ZNF521: variants seen among roughly 807,000 people sequenced by gnomAD.
ZNF521 encodes zinc finger protein 521.
Under a neutral mutation model 105.5 loss-of-function variants are expected in ZNF521, and 14 were observed. The ratio of observed to expected loss-of-function variants is 0.13; its 90% CI spans 0.09 to 0.21. ZNF521 has a LOEUF of 0.21. Ranked by LOEUF, ZNF521 falls within the 10% of genes least tolerant of loss-of-function variation. The probability of loss-of-function intolerance (pLI) is 1.00; values close to 1 mark genes in which losing one functional copy is unlikely to be tolerated. For missense variants in ZNF521, 1,233 were observed against 1,629.7 expected, an observed-to-expected ratio of 0.76 and a Z score of 4.19; for synonymous variants, 635 against 606.0, an observed-to-expected ratio of 1.05 and a Z score of -0.70.
At chr18:25,063,366 C>G (rs917221863) in intron 7 of ZNF521, among the ~76,000 whole-genome samples, 1 of 152,012 alleles carries the variant, frequency 6.6e-6, no homozygotes, top group Non-Finnish European at 1.5e-5. Flanking sequence ...GTGGTCATAC[C>G]GTGGCTCAGG....
At chr18:25,105,233 C>T (rs1160256826) in intron 5 of ZNF521, among the ~76,000 whole-genome samples, 1 of 152,118 alleles carries the variant, frequency 6.6e-6, no homozygotes, top group East Asian at 1.9e-4. Flanking sequence ...AGAATCTAGG[C>T]ATCTCTCTTT....
intron 3 of ZNF521, among the ~76,000 whole-genome samples, chr18:25,265,736 C>T (rs185831008): frequency 3.3e-5 from 5 of 152,338 alleles, no homozygotes; most frequent in East Asian, 1.9e-4. Context: ...TAAGTGCACT[C>T]ATGCTTGCTG....
At chr18:25,165,533 G>A (rs1332113056) in intron 5 of ZNF521, among the ~76,000 whole-genome samples, 5 of 152,190 alleles carry the variant, frequency 3.3e-5, no homozygotes, top group African/African-American at 1.2e-4. Flanking sequence ...AGAGACCTCA[G>A]AGCACATGCA....
intron 5 of ZNF521, among the ~76,000 whole-genome samples, chr18:25,186,141 G>A (rs573976073): frequency 6.6e-6 from 1 of 152,314 alleles, no homozygotes; most frequent in Admixed American, 6.5e-5. Context: ...CCGAGGCAAT[G>A]TGTTATGGGG....
intron 7 of ZNF521, among the ~76,000 whole-genome samples, chr18:25,068,555 T>C (rs574198734): frequency 1.3e-5 from 2 of 152,178 alleles, no homozygotes; most frequent in East Asian, 3.8e-4. Context: ...GGCTGGATAA[T>C]AAGTCTTTTG....
At chr18:25,090,239 C>T (rs144948808) in intron 6 of ZNF521, among the ~76,000 whole-genome samples, 1 of 152,250 alleles carries the variant, frequency 6.6e-6, no homozygotes, top group Non-Finnish European at 1.5e-5. Context: ...ATGCCAGAGG[C>T]AGTGTTTGGG....
At chr18:25,277,851 A>G (rs1403081435) in intron 3 of ZNF521, among the ~76,000 whole-genome samples, 1 of 152,188 alleles carries the variant, frequency 6.6e-6, no homozygotes, top group Non-Finnish European at 1.5e-5. Context: ...AATAAGGAAG[A>G]AAATTAACAT....
rs75013654 is a variant in ZNF521 at position 25,345,804 on chromosome 18, G to A, written c.40+5103C>T. The stretch of plus-strand genomic sequence containing the variant: ...GTGGTGGAGGGAAGAAACAGTCACT[G>A]GTTGATAGATAAATAGAAGAACATT... On this transcript the variant is annotated intron_variant, in intron 2 of 7. Transcript: ENST00000361524. Among the ~76,000 whole-genome samples, 376 of 152,322 alleles carry A rather than the reference G, an allele frequency of 2.5e-3. 3 individuals are homozygous for A. Among genetic ancestry groups the A allele is most frequent in the East Asian group, 0.021 (107 of 5,192 alleles).
At chr18:25,099,158 A>C (rs2033913701) in intron 5 of ZNF521, among the ~76,000 whole-genome samples, 1 of 152,218 alleles carries the variant, frequency 6.6e-6, no homozygotes, top group South Asian at 2.1e-4. Flanking sequence ...AGAACAGTAC[A>C]TGGCTCATAG....
chr18:25,090,539 T>C (rs937082195), intron 6 of ZNF521, among the ~76,000 whole-genome samples: 2 of 152,226 alleles, frequency 1.3e-5, no homozygotes, highest in African/African-American at 4.8e-5. Flanking sequence ...TTAAAAATTG[T>C]TATTTCTAAA....
At chr18:25,159,708 TA>T (rs2035215786) in intron 5 of ZNF521, among the ~76,000 whole-genome samples, 1 of 152,096 alleles carries the variant, frequency 6.6e-6, no homozygotes, top group Non-Finnish European at 1.5e-5. Flanking sequence ...CTGGACAGAA[TA>T]AGGGGGCCAC....
chr18:25,324,590 G>C (rs1913108514), intron 2 of ZNF521, among the ~76,000 whole-genome samples: 1 of 152,134 alleles, frequency 6.6e-6, no homozygotes, highest in Admixed American at 6.5e-5. Context: ...TGTTTAGCAT[G>C]AGTTTCTAGT....
At chr18:25,344,887 C>T (rs1048870395) in intron 2 of ZNF521, among the ~76,000 whole-genome samples, 7 of 152,172 alleles carry the variant, frequency 4.6e-5, no homozygotes, top group African/African-American at 1.4e-4. Context: ...AGTAAACCAG[C>T]AATGTGAATC....
At chr18:25,146,489 G>C (rs760453881) in intron 5 of ZNF521, among the ~76,000 whole-genome samples, 4 of 152,044 alleles carry the variant, frequency 2.6e-5, no homozygotes, top group Non-Finnish European at 5.9e-5. Flanking sequence ...AGAAAGGATA[G>C]AGAAAAATAC....
At chr18:25,070,281 A>G (rs2033185140) in intron 7 of ZNF521, among the ~76,000 whole-genome samples, 1 of 152,176 alleles carries the variant, frequency 6.6e-6, no homozygotes, top group Non-Finnish European at 1.5e-5. Context: ...AATAAACCTC[A>G]CTGAAGGACA....
chr18:25,264,606 C>T (rs1669060117), intron 3 of ZNF521, among the ~76,000 whole-genome samples: 1 of 152,122 alleles, frequency 6.6e-6, no homozygotes, highest in African/African-American at 2.4e-5. Context: ...TGAAGAATTA[C>T]ATTTTGTCAA....
At chr18:25,158,529 C>A (rs114206691) in intron 5 of ZNF521, among the ~76,000 whole-genome samples, 189 of 152,080 alleles carry the variant, frequency 1.2e-3, no homozygotes, top group African/African-American at 4.2e-3. Context: ...GGGAAGAAAT[C>A]TTCAAAGGAA....
intron 5 of ZNF521, among the ~76,000 whole-genome samples, chr18:25,169,032 A>C (rs2035401506): frequency 6.6e-6 from 1 of 152,078 alleles, no homozygotes; most frequent in Non-Finnish European, 1.5e-5. Context: ...TAGTTTCCAC[A>C]ATTATTCCTC....
In ZNF521 at chr18:25,062,477, G is replaced by T; in HGVS notation, c.*235C>A. On this transcript the variant is annotated 3_prime_UTR_variant, in exon 8 of 8. Transcript: ENST00000361524. ...GGCCCAAGTCCACTTGTCTTTATAA[G>T]ACCATTTTAGTATCAGACGACATAA... The T allele has an allele frequency of 6.3e-6, 3 of 477,850 alleles. No homozygotes were observed. Among genetic ancestry groups the T allele is most frequent in the Non-Finnish European group, 1.1e-5 (3 of 283,144 alleles). The allele number at this position is 477,850 out of a possible 1,614,324, so 29.6% of individuals were successfully genotyped here. A position where few individuals can be genotyped will look rare whatever the true frequency, so the allele number is the denominator to read the frequency against.
Sources: gnomAD v4.1 joint callset for allele counts (sites outside exome capture counted in the v4.1 genomes callset) on GRCh38, gnomAD v4.1.1 for gene constraint, MANE v1.5 for transcripts, NCBI Gene and HGNC (gene_info 2026-07-23, HGNC 2026-07-21) for gene names.